Variants in LTN1 observed in about 807,000 individuals in gnomAD.
LTN1 encodes listerin E3 ubiquitin protein ligase 1.
A neutral mutation model predicts 201.2 loss-of-function variants in LTN1; 88 were observed. That is an observed-to-expected ratio of 0.44 (90% CI 0.37 to 0.52). The LOEUF (loss-of-function observed/expected upper bound fraction) is 0.52. Ranked by LOEUF, LTN1 falls within the 20% of genes least tolerant of loss-of-function variation. The pLI is 0.00. For missense variants in LTN1, 1,752 were observed against 2,038.7 expected (o/e 0.86, Z 2.71); for synonymous variants, 645 against 713.5 (o/e 0.90, Z 1.53).
chr21:28,958,590 A>C, intron 13 of LTN1, 51 bp from the exon 14 acceptor site: 104 of 1,341,706 alleles, frequency 7.8e-5, no homozygotes, highest in Non-Finnish European at 9.6e-5. Context: ...ATTAACTCTC[A>C]TCAGCACAAA....
Position 28,957,356 on chromosome 21 carries a change from CT to C in LTN1, c.2867del (p.Lys956ArgfsTer2). On this transcript the variant is annotated frameshift_variant, in exon 15 of 30. Transcript: ENST00000361371. LOFTEE classifies it high-confidence loss of function. ...SVMPNDSEWEKMRQSLPMQWL... is the reference protein window; with the variant it reads ...SVMPNDSEWEXMRQSLPMQWL... ...CCTGCATAGGAAGAGACTGCCTCAT[CT>C]TTTCCCATTCACTGTCGTTCGGCAT... 1 of 1,599,462 alleles carries C rather than the reference CT, an allele frequency of 6.3e-7. No homozygotes were observed. Among genetic ancestry groups the C allele is most frequent in the South Asian group, 1.1e-5 (1 of 89,204 alleles).
At chr21:28,974,984 C>CAA (rs140506239) in intron 6 of LTN1, among the ~76,000 whole-genome samples, 9 of 146,866 alleles carry the variant, frequency 6.1e-5, no homozygotes, top group Admixed American at 3.4e-4. Context: ...TGCCTCCTAA[C>CAA]AAAAAAAAAA....
rs1323943507 is a variant in LTN1, at chr21:28,929,200, G to A, written c.*1248C>T. On this transcript the variant is annotated 3_prime_UTR_variant, in exon 30 of 30. Coordinates refer to ENST00000361371, the MANE Select transcript of LTN1 (RefSeq NM_015565.3). ...CATTTTACCCAGTAGATGGAAAGCA[G>A]TAATTTTATTTATCATGAATTGCTT... The A allele has an allele frequency of 2.0e-5, 3 of 152,588 alleles. No individual in the cohort carries two copies. Among genetic ancestry groups the A allele is most frequent in the Non-Finnish European group, 2.9e-5 (2 of 68,004 alleles). 9.5% of individuals were successfully genotyped at this position (152,588 alleles called of 1,614,324 possible).
chr21:28,971,765 A>G (rs1184961690), intron 6 of LTN1, among the ~76,000 whole-genome samples: 1 of 152,178 alleles, frequency 6.6e-6, no homozygotes, highest in Non-Finnish European at 1.5e-5. Flanking sequence ...ACCATGAGCA[A>G]CAATCAGGAG....
At chr21:28,983,780 G>T (rs2084676355) in intron 4 of LTN1, among the ~76,000 whole-genome samples, 1 of 152,128 alleles carries the variant, frequency 6.6e-6, no homozygotes, top group Non-Finnish European at 1.5e-5. Flanking sequence ...ACTAAATAAG[G>T]GAATAAATGC....
rs1466900766 is a variant in LTN1, at chr21:28,929,098, C to T, written c.*1350G>A. Reference sequence around the variant, plus strand: ...GGACACTGCATCTATAAATATAATTCGAGAGATCTATAACTCACACATAGT... The same window carrying T: ...GGACACTGCATCTATAAATATAATTTGAGAGATCTATAACTCACACATAGT... On this transcript the variant is annotated 3_prime_UTR_variant, in exon 30 of 30. Coordinates refer to ENST00000361371, the MANE Select transcript of LTN1 (RefSeq NM_015565.3). The T allele has an allele frequency of 1.1e-4, 17 of 152,558 alleles. No homozygotes were observed. Among genetic ancestry groups the T allele is most frequent in the South Asian group, 2.1e-4 (1 of 4,828 alleles). 9.5% of individuals were successfully genotyped at this position (152,558 alleles called of 1,614,324 possible). A position where few individuals can be genotyped will look rare whatever the true frequency, so the allele number is the denominator to read the frequency against.
At chr21:28,937,376 C>T (rs1455397129) in intron 25 of LTN1, among the ~76,000 whole-genome samples, 1 of 151,954 alleles carries the variant, frequency 6.6e-6, no homozygotes, top group East Asian at 1.9e-4. Flanking sequence ...ATTTTCTTTC[C>T]CTTTTCTTTT....
In LTN1 at chr21:28,935,304, A is replaced by C; in HGVS notation, c.4680T>G (p.Ile1560Met). The C allele has an allele frequency of 2.5e-6, 4 of 1,613,740 alleles. No homozygotes were observed. Among genetic ancestry groups the C allele is most frequent in the Non-Finnish European group, 3.4e-6 (4 of 1,179,688 alleles). The stretch of plus-strand genomic sequence containing the variant: ...GATAGACTGAACAAGCCAAGTGTGG[A>C]ATGTGGTATGGAAGCATTGTTGTTT... ...IRETTMLPYH[I>M]PHLACSVYHM... is the part of the protein sequence containing the mutation. The change falls in exon 27 of 30, where the codon ATT (isoleucine) becomes ATG (methionine). Residue 1560 changes from isoleucine to methionine, a missense_variant. Around this residue, in one of 3 missense-constraint regions of LTN1, gnomAD observed 261 missense variants for 350.1 expected, o/e 0.75. Transcript: ENST00000361371.
Position 28,928,927 on chromosome 21 carries a change from A to G in LTN1, c.*1521T>C, listed in dbSNP as rs1319894167. The G allele has an allele frequency of 6.6e-6, 1 of 152,592 alleles. No individual in the cohort carries two copies. Among genetic ancestry groups the G allele is most frequent in the East Asian group, 1.9e-4 (1 of 5,198 alleles). 9.5% of individuals were successfully genotyped at this position (152,592 alleles called of 1,614,324 possible). On this transcript the variant is annotated 3_prime_UTR_variant, in exon 30 of 30. Coordinates refer to ENST00000361371, the MANE Select transcript of LTN1 (RefSeq NM_015565.3). Reference sequence around the variant, plus strand: ...GGATTACTATGTCAGAAAGAGACATAGAAAGATAGAGAATATTTTAAGAAA... The same window carrying G: ...GGATTACTATGTCAGAAAGAGACATGGAAAGATAGAGAATATTTTAAGAAA...
chr21:28,957,654 G>A (rs1446131159), intron 14 of LTN1, among the ~76,000 whole-genome samples, 178 bp from the exon 15 acceptor site: 1 of 152,034 alleles, frequency 6.6e-6, no homozygotes, highest in Non-Finnish European at 1.5e-5. Flanking sequence ...AAACTGGGGA[G>A]GTAATCCAAT....
At position 28,965,769 on chromosome 21, in the gene LTN1, T is replaced by A. The variant is rs144683024; in HGVS notation, c.2163+96A>T. 500 of 680,486 alleles carry A rather than the reference T, an allele frequency of 7.3e-4. 7 individuals are homozygous for A. In the East Asian group the frequency reaches 0.012, roughly 16 times the overall value. 42.2% of individuals were successfully genotyped at this position (680,486 alleles called of 1,614,324 possible). On this transcript the variant is annotated intron_variant, in intron 11 of 29. Coordinates refer to ENST00000361371, the MANE Select transcript of LTN1 (RefSeq NM_015565.3). ...GAAGTTCTCTAACACAGAACCTGAC[T>A]ATCTGACCATATTTATTGTGTAAAT...
chr21:28,958,480 G>C lies in LTN1; in HGVS notation c.2653C>G (p.Gln885Glu). The C allele has an allele frequency of 6.2e-7, 1 of 1,611,780 alleles. No homozygotes were observed. Residue 885 changes from glutamine to glutamate, a missense_variant, in exon 14 of 30, where the codon CAA becomes GAA. Physicochemically the swap from Gln to Glu is conservative, Grantham distance 29 (BLOSUM62 2). Transcript: ENST00000361371. ...WLSGVNLLVH[Q>E]TDSSYKESTF... ...CTCTCTTTATATGAACTGTCAGTTT[G>C]ATGAACCAATAAATTTACACCAGAG...
At chr21:28,964,477 C>A in intron 11 of LTN1, 2 of 1,084,490 alleles carry the variant, frequency 1.8e-6, no homozygotes, top group Non-Finnish European at 2.5e-6. Flanking sequence ...TGTTATTGCA[C>A]ACTTAATAGA....
chr21:28,952,949 A>G (rs1163801386), intron 17 of LTN1, among the ~76,000 whole-genome samples: 1 of 152,166 alleles, frequency 6.6e-6, no homozygotes, highest in Admixed American at 6.5e-5. Flanking sequence ...AATCAAAACA[A>G]CTTCTACAAG....
chr21:28,958,315 T>C (rs2084443281), intron 14 of LTN1, 71 bp downstream of exon 14: 1 of 1,424,454 alleles, frequency 7.0e-7, no homozygotes, highest in Middle Eastern at 1.8e-4. Context: ...CTCACACTGA[T>C]CATGGAATCT....
At position 28,987,858 on chromosome 21, in the gene LTN1, T is replaced by C. The variant is rs533859118; in HGVS notation, c.43-924A>G. Among the ~76,000 whole-genome samples the C allele has an allele frequency of 2.0e-5, 3 of 152,284 alleles. No homozygotes were observed. The South Asian group carries it at 6.2e-4, about 32-fold the overall frequency. ...CCAAATGTGTGATTCAAATTGCTCA[T>C]ACCGGCCGGGCACAGTGGCTCACGC... On this transcript the variant is annotated intron_variant, in intron 1 of 29. Transcript: ENST00000361371.
chr21:28,966,337 CAAATAGTTTG>C (rs760766951), intron 10 of LTN1, 23 bp downstream of exon 10: 1 of 1,515,420 alleles, frequency 6.6e-7, no homozygotes, highest in East Asian at 2.3e-5. Context: ...ATCTATTATT[CAAATAGTTTG>C]AAAAGATATA....
Position 28,984,850 on chromosome 21 carries a change from A to G in LTN1, c.418T>C (p.Leu140=). Residue 140 remains leucine (L), a synonymous_variant, in exon 4 of 30, where the codon TTG becomes CTG. Coordinates refer to ENST00000361371, the MANE Select transcript of LTN1 (RefSeq NM_015565.3). ...EKLILKVKKQ[L]APYLKSLMGY... ...ATTAAACTTTTTAAGTAGGGAGCCA[A>G]CTGTTTCTTTACTTTAAGGATAAGT... The G allele has an allele frequency of 6.2e-7, 1 of 1,614,106 alleles. No homozygotes were observed. The highest frequency in any genetic ancestry group is 8.5e-7 in the Non-Finnish European group (1 of 1,179,994).
intron 10 of LTN1, 98 bp from the exon 11 acceptor site, chr21:28,966,004 C>A: frequency 1.3e-6 from 1 of 760,434 alleles, no homozygotes; most frequent in Non-Finnish European, 2.1e-6. Flanking sequence ...AACTCATGGG[C>A]TCAAGCCAAT....
Sources: allele counts gnomAD v4.1 joint callset (sites outside exome capture counted in the v4.1 genomes callset), GRCh38; gene constraint gnomAD v4.1.1; regional missense constraint gnomAD v4.1.1; transcripts MANE v1.5; gene names NCBI Gene and HGNC (gene_info 2026-07-23, HGNC 2026-07-21).